MBOAT1: variants seen among roughly 807,000 people sequenced by gnomAD.
MBOAT1 encodes membrane-bound glycerophospholipid O-acyltransferase 1.
A neutral mutation model predicts 64.4 loss-of-function variants in MBOAT1; 67 were observed. The ratio of observed to expected loss-of-function variants is 1.04; its 90% CI spans 0.85 to 1.27. MBOAT1 has a LOEUF of 1.27. Among genes scored for constraint, MBOAT1 ranks in the 50% most tolerant of loss-of-function variants. The pLI, the probability that MBOAT1 is intolerant of heterozygous loss-of-function variation, is 0.00. For synonymous variants in MBOAT1, 229 were observed against 218.9 expected (o/e 1.05, Z -0.41); for missense variants, 563 against 604.6 (o/e 0.93, Z 0.72).
chr6:20,190,597 C>T (rs541381890), intron 1 of MBOAT1, among the ~76,000 whole-genome samples: 5 of 152,266 alleles, frequency 3.3e-5, no homozygotes, highest in Non-Finnish European at 7.4e-5. Flanking sequence ...ATAATACTTG[C>T]ATATAATTCC....
chr6:20,116,675 T>C (rs1433086425), intron 9 of MBOAT1, among the ~76,000 whole-genome samples: 1 of 152,230 alleles, frequency 6.6e-6, no homozygotes, highest in Non-Finnish European at 1.5e-5. Flanking sequence ...CCAATCAGAC[T>C]TCCTTGTTTT....
chr6:20,201,683 C>T (rs1763127534), intron 1 of MBOAT1, among the ~76,000 whole-genome samples: 3 of 151,396 alleles, frequency 2.0e-5, no homozygotes, highest in African/African-American at 7.3e-5. Flanking sequence ...TGGGTTCAAG[C>T]AATTCTCCTG....
chr6:20,124,931 T>C (rs1760608379), intron 7 of MBOAT1, among the ~76,000 whole-genome samples: 1 of 152,120 alleles, frequency 6.6e-6, no homozygotes, highest in Admixed American at 6.5e-5. Flanking sequence ...CAAGTTTCCA[T>C]CAAGAAAAAC....
chr6:20,203,273 C>A (rs1561787705), intron 1 of MBOAT1, among the ~76,000 whole-genome samples: 2 of 151,592 alleles, frequency 1.3e-5, no homozygotes, highest in Non-Finnish European at 2.9e-5. Flanking sequence ...TACATGTTCA[C>A]AGAAATCTGA....
chr6:20,150,375 C>T (rs546928908), intron 3 of MBOAT1, among the ~76,000 whole-genome samples: 21 of 152,166 alleles, frequency 1.4e-4, no homozygotes, highest in Non-Finnish European at 2.6e-4. Context: ...CTTTCCTCAT[C>T]CCTCTTTGTG....
At chr6:20,188,126 A>T (rs1462303010) in intron 1 of MBOAT1, among the ~76,000 whole-genome samples, 1 of 152,240 alleles carries the variant, frequency 6.6e-6, no homozygotes, top group Non-Finnish European at 1.5e-5. Flanking sequence ...ATTAGAGGGT[A>T]TTCAGAGATG....
At chr6:20,108,268 T>C (rs1014171901) in intron 12 of MBOAT1, among the ~76,000 whole-genome samples, 5 of 152,240 alleles carry the variant, frequency 3.3e-5, no homozygotes, top group Admixed American at 1.3e-4. Context: ...CACCTAGGAC[T>C]GAAATGACTC....
At chr6:20,181,563 G>T (rs1316248726) in intron 1 of MBOAT1, among the ~76,000 whole-genome samples, 1 of 152,190 alleles carries the variant, frequency 6.6e-6, no homozygotes, top group African/African-American at 2.4e-5. Context: ...TCTGACTTCA[G>T]GGACTGTGCT....
At chr6:20,119,283 G>C (rs1455644844) in intron 8 of MBOAT1, among the ~76,000 whole-genome samples, 1 of 152,166 alleles carries the variant, frequency 6.6e-6, no homozygotes, top group Non-Finnish European at 1.5e-5. Context: ...TGAACTATAA[G>C]AGAATGTTCT....
chr6:20,119,724 C>T (rs1417680872), intron 8 of MBOAT1, among the ~76,000 whole-genome samples: 1 of 152,032 alleles, frequency 6.6e-6, no homozygotes, highest in Non-Finnish European at 1.5e-5. Flanking sequence ...GGATGGGAAC[C>T]CAGTGGAGAA....
At chr6:20,209,132 A>T (rs1763348740) in intron 1 of MBOAT1, among the ~76,000 whole-genome samples, 1 of 152,190 alleles carries the variant, frequency 6.6e-6, no homozygotes, top group Non-Finnish European at 1.5e-5. Flanking sequence ...CACCTACCAT[A>T]ACTCCATATT....
chr6:20,178,599 T>A (rs988963758), intron 1 of MBOAT1, among the ~76,000 whole-genome samples: 3 of 152,210 alleles, frequency 2.0e-5, no homozygotes, highest in Non-Finnish European at 4.4e-5. Flanking sequence ...GGAACACATG[T>A]GTTAGAAAAG....
At chr6:20,176,943 A>T (rs1295699685) in intron 1 of MBOAT1, among the ~76,000 whole-genome samples, 1 of 152,070 alleles carries the variant, frequency 6.6e-6, no homozygotes, top group African/African-American at 2.4e-5. Flanking sequence ...TTTTTATTCC[A>T]TCTCAAAGAT....
At chr6:20,175,006 A>T (rs1312010246) in intron 1 of MBOAT1, among the ~76,000 whole-genome samples, 1 of 152,222 alleles carries the variant, frequency 6.6e-6, no homozygotes. Context: ...TAAGACAGTC[A>T]AGAAAGAAAG....
intron 11 of MBOAT1, among the ~76,000 whole-genome samples, chr6:20,111,761 T>C (rs1468089073): frequency 6.8e-6 from 1 of 146,832 alleles, no homozygotes; most frequent in Non-Finnish European, 1.5e-5. Flanking sequence ...ATGCACTTAA[T>C]TTCAAAAGTA....
chr6:20,147,622 A>G (rs1761365522), intron 3 of MBOAT1, among the ~76,000 whole-genome samples: 1 of 151,316 alleles, frequency 6.6e-6, no homozygotes. Context: ...CTGGGCAACG[A>G]GAGCAAACTC....
chr6:20,207,853 C>T (rs968544412), intron 1 of MBOAT1, among the ~76,000 whole-genome samples: 1 of 152,226 alleles, frequency 6.6e-6, no homozygotes, highest in African/African-American at 2.4e-5. Flanking sequence ...TGTGCAGTGC[C>T]TACGCAGGTC....
In MBOAT1 at chr6:20,144,207, G is replaced by A; in HGVS notation, c.419+13C>T. ...CAGCAGTAAAACCCCTCTCTCTAATGTAAGATACTTACCCAGAAAAATCCG... is the reference window on the plus strand; with the variant it reads ...CAGCAGTAAAACCCCTCTCTCTAATATAAGATACTTACCCAGAAAAATCCG... On this transcript the variant is annotated intron_variant, in intron 4 of 12. Transcript: ENST00000324607. The A allele has an allele frequency of 6.4e-7, 1 of 1,572,482 alleles. No homozygotes were observed. Among genetic ancestry groups the A allele is most frequent in the Non-Finnish European group, 8.7e-7 (1 of 1,143,888 alleles).
intron 11 of MBOAT1, among the ~76,000 whole-genome samples, chr6:20,111,872 A>ATATATGCATATATATACG (rs1760175917): frequency 7.3e-6 from 1 of 137,696 alleles, no homozygotes; most frequent in African/African-American, 2.9e-5. Flanking sequence ...ATATATACAT[A>ATATATGCATATATATACG]TATATATGTA....
Sources: gnomAD v4.1 joint callset for allele counts (sites outside exome capture counted in the v4.1 genomes callset) on GRCh38, gnomAD v4.1.1 for gene constraint, MANE v1.5 for transcripts, NCBI Gene and HGNC (gene_info 2026-07-23, HGNC 2026-07-21) for gene names.